Variants in CWC27 observed in about 807,000 individuals in gnomAD.
CWC27 encodes spliceosome-associated protein CWC27 homolog.
CWC27 carries 47 observed loss-of-function variants against 63.6 expected under a neutral mutation model. That is an observed-to-expected ratio of 0.74 (90% confidence interval 0.58 to 0.94). CWC27 has a LOEUF of 0.94. Among genes scored for constraint, CWC27 ranks in the 40% least tolerant of loss-of-function variants. The pLI is 0.00. For missense variants in CWC27, 495 were observed against 554.3 expected (o/e 0.89, Z 1.07); for synonymous variants, 175 against 179.8 (o/e 0.97, Z 0.22).
chr5:64,867,665 G>A (rs1160216623), intron 10 of CWC27, among the ~76,000 whole-genome samples: 1 of 152,026 alleles, frequency 6.6e-6, no homozygotes, highest in East Asian at 1.9e-4. Flanking sequence ...ACATGAGAAA[G>A]TAATATCAGC....
chr5:64,837,392 A>G (rs1413763474), intron 10 of CWC27, among the ~76,000 whole-genome samples: 1 of 152,066 alleles, frequency 6.6e-6, no homozygotes, highest in Non-Finnish European at 1.5e-5. Flanking sequence ...TAACTTTTAA[A>G]TAAGCAGACC....
At chr5:64,991,345 A>T (rs1403804125) in intron 13 of CWC27, among the ~76,000 whole-genome samples, 1 of 151,950 alleles carries the variant, frequency 6.6e-6, no homozygotes, top group Non-Finnish European at 1.5e-5. Context: ...TACATGTTAG[A>T]TATTTACCTG....
intron 11 of CWC27, among the ~76,000 whole-genome samples, chr5:64,969,726 G>C (rs918521187): frequency 6.6e-6 from 1 of 152,032 alleles, no homozygotes; most frequent in East Asian, 1.9e-4. Flanking sequence ...GTTTAAAGAA[G>C]AGTAAACAGG....
rs191441227 is a variant in CWC27 at position 64,801,299 on chromosome 5, T to A, written c.750-3T>A. 2.1e-6 allele frequency: 3 copies of A among 1,419,034 alleles called. No individual in the cohort carries two copies. Among genetic ancestry groups the A allele is most frequent in the East Asian group, 5.3e-5 (2 of 37,564 alleles). 87.9% of individuals were successfully genotyped at this position (1,419,034 alleles called of 1,614,324 possible). On this transcript the variant is annotated splice_region_variant and splice_polypyrimidine_tract_variant and intron_variant, in intron 8 of 13. Coordinates refer to ENST00000381070, the MANE Select transcript of CWC27 (RefSeq NM_005869.4). ...AAATTTGTTTTGCTTATTTTTTTTA[T>A]AGTGAAAAAGGTGATGCACCAGATT...
At chr5:65,016,900 C>A (rs926399153) in intron 13 of CWC27, among the ~76,000 whole-genome samples, 2 of 152,098 alleles carry the variant, frequency 1.3e-5, no homozygotes, top group African/African-American at 4.8e-5. Flanking sequence ...ATTTGGGTTT[C>A]ATCTGAAAGT....
chr5:64,795,814 A>G (rs570105622), intron 7 of CWC27, among the ~76,000 whole-genome samples: 1 of 152,166 alleles, frequency 6.6e-6, no homozygotes, highest in Non-Finnish European at 1.5e-5. Flanking sequence ...TGGACATCTT[A>G]GGGGGCCATT....
chr5:64,847,864 G>A (rs1243596068), intron 10 of CWC27, among the ~76,000 whole-genome samples: 2 of 151,608 alleles, frequency 1.3e-5, no homozygotes, highest in African/African-American at 4.8e-5. Context: ...AGACTTACGG[G>A]ATACAGCAAA....
intron 11 of CWC27, among the ~76,000 whole-genome samples, chr5:64,957,845 T>C (rs1748832311): frequency 6.6e-6 from 1 of 152,164 alleles, no homozygotes; most frequent in Non-Finnish European, 1.5e-5. Flanking sequence ...TTTTAATGTT[T>C]TGTGTTCAGA....
intron 10 of CWC27, among the ~76,000 whole-genome samples, chr5:64,814,834 A>G (rs367952573): frequency 2.0e-5 from 3 of 152,190 alleles, no homozygotes; most frequent in African/African-American, 7.2e-5. Context: ...GACGAATTAG[A>G]TTATTACACT....
intron 10 of CWC27, among the ~76,000 whole-genome samples, chr5:64,858,026 T>C (rs1225271685): frequency 1.4e-5 from 2 of 138,946 alleles, no homozygotes; most frequent in South Asian, 2.3e-4. Flanking sequence ...TAGTCCCAGC[T>C]ACTCGGGAGG....
chr5:64,872,550 A>C (rs909820113), intron 10 of CWC27, among the ~76,000 whole-genome samples: 2 of 152,000 alleles, frequency 1.3e-5, no homozygotes, highest in Admixed American at 6.6e-5. Context: ...CTTCCACCTC[A>C]TTTTTTTCTT....
chr5:64,872,708 A>G (rs1746700857), intron 10 of CWC27, among the ~76,000 whole-genome samples: 2 of 152,218 alleles, frequency 1.3e-5, no homozygotes, highest in Non-Finnish European at 2.9e-5. Flanking sequence ...AATTTACATA[A>G]TGCTTATCTG....
intron 2 of CWC27, among the ~76,000 whole-genome samples, chr5:64,776,024 G>C (rs150066779): frequency 6.7e-6 from 1 of 148,794 alleles, no homozygotes; most frequent in African/African-American, 2.5e-5. Context: ...AAAATACCCA[G>C]ATACCACCCC....
At position 64,768,985 on chromosome 5, in the gene CWC27, C is replaced by T. The variant is rs1743136230; in HGVS notation, c.-162C>T. ...GGCGTCCGTGAGGGGCTCCTTTGGGCAGGGGTAGTGTTTGGTGTCCCTGTC... is the reference window on the plus strand; with the variant it reads ...GGCGTCCGTGAGGGGCTCCTTTGGGTAGGGGTAGTGTTTGGTGTCCCTGTC... On this transcript the variant is annotated 5_prime_UTR_variant, in exon 1 of 14. The change creates a premature stop within an existing upstream ORF in the 5' untranslated region. Coordinates refer to ENST00000381070, the MANE Select transcript of CWC27 (RefSeq NM_005869.4). 1.6e-6 allele frequency: 1 copy of T among 628,776 alleles called. No individual in the cohort carries two copies. Among genetic ancestry groups the T allele is most frequent in the South Asian group, 1.9e-5 (1 of 52,134 alleles). 38.9% of individuals were successfully genotyped at this position (628,776 alleles called of 1,614,324 possible).
chr5:64,936,412 G>A (rs946717959), intron 11 of CWC27, among the ~76,000 whole-genome samples: 10 of 152,236 alleles, frequency 6.6e-5, no homozygotes, highest in South Asian at 2.1e-4. Context: ...TTATTGATTC[G>A]CCTATGTTGA....
At chr5:64,915,076 T>G (rs1426805497) in intron 11 of CWC27, among the ~76,000 whole-genome samples, 2 of 152,202 alleles carry the variant, frequency 1.3e-5, no homozygotes, top group Non-Finnish European at 2.9e-5. Flanking sequence ...GTTTTGGGTT[T>G]GGGTTTTGTG....
intron 11 of CWC27, among the ~76,000 whole-genome samples, chr5:64,909,087 A>C (rs1242913254): frequency 1.3e-5 from 2 of 152,214 alleles, no homozygotes; most frequent in Admixed American, 1.3e-4. Context: ...TGGTGGTGAC[A>C]AAATCTCTCA....
chr5:64,910,705 A>G (rs1489098244), intron 11 of CWC27, among the ~76,000 whole-genome samples: 1 of 152,198 alleles, frequency 6.6e-6, no homozygotes, highest in Non-Finnish European at 1.5e-5. Context: ...GGTCAGTCTC[A>G]GACTGCCGCA....
At chr5:65,016,140 T>C (rs1197725850) in intron 13 of CWC27, among the ~76,000 whole-genome samples, 1 of 152,212 alleles carries the variant, frequency 6.6e-6, no homozygotes, top group Non-Finnish European at 1.5e-5. Context: ...AGAGATTGTC[T>C]TACTTTCAGA....
Sources: allele counts gnomAD v4.1 joint callset (sites outside exome capture counted in the v4.1 genomes callset), GRCh38; gene constraint gnomAD v4.1.1; transcripts MANE v1.5; gene names NCBI Gene and HGNC (gene_info 2026-07-23, HGNC 2026-07-21).